The following EXD3 variants were observed in gnomAD, a reference collection of about 807,000 sequenced individuals.
The protein encoded by EXD3 is exonuclease mut-7 homolog.
EXD3 carries 92 observed loss-of-function variants against 98.0 expected under a neutral mutation model. The observed-to-expected ratio is 0.94, with a 90% CI of 0.79 to 1.12. The LOEUF (loss-of-function observed/expected upper bound fraction) is 1.12. Ranked by LOEUF, EXD3 falls within the 50% of genes most tolerant of loss-of-function variation. EXD3 has a pLI of 0.00. For missense variants in EXD3, 1,222 were observed against 1,191.6 expected (o/e 1.03, Z -0.38); for synonymous variants, 569 against 526.0 (o/e 1.08, Z -1.12).
At chr9:137,331,365 C>CCTCCCACA (rs1833056047) in intron 17 of EXD3, among the ~76,000 whole-genome samples, 1 of 151,908 alleles carries the variant, frequency 6.6e-6, no homozygotes, top group South Asian at 2.1e-4. Context: ...GCCCTCTCAC[C>CCTCCCACA]CTCCCACACT....
intron 1 of EXD3, among the ~76,000 whole-genome samples, chr9:137,420,743 C>CCA (rs928435782): frequency 6.8e-6 from 1 of 147,534 alleles, no homozygotes; most frequent in East Asian, 2.0e-4. Context: ...ATTCACCCCC[C>CCA]CCCCCAAATT....
At chr9:137,374,597 G>A (rs927788782) in intron 3 of EXD3, 20 of 985,518 alleles carry the variant, frequency 2.0e-5, no homozygotes, top group Middle Eastern at 5.2e-4. Context: ...AGGAACAGCC[G>A]TGGAGCACAC....
intron 17 of EXD3, among the ~76,000 whole-genome samples, chr9:137,325,823 C>A (rs1832371625): frequency 6.6e-6 from 1 of 152,174 alleles, no homozygotes; most frequent in African/African-American, 2.4e-5. Flanking sequence ...GGCAAGGCGG[C>A]TCGTGCCTGT....
chr9:137,332,320 T>C (rs1031373066), intron 17 of EXD3, among the ~76,000 whole-genome samples: 1 of 152,214 alleles, frequency 6.6e-6, no homozygotes, highest in Admixed American at 6.5e-5. Flanking sequence ...CCGGGCGCAG[T>C]GGCTCACGCC....
intron 3 of EXD3, among the ~76,000 whole-genome samples, chr9:137,380,805 C>T (rs1035811619): frequency 6.8e-6 from 1 of 147,512 alleles, no homozygotes; most frequent in Non-Finnish European, 1.5e-5. Context: ...CACCAGAAGG[C>T]CCCCCCGAGG....
intron 3 of EXD3, among the ~76,000 whole-genome samples, chr9:137,376,502 G>T (rs753040075): frequency 1.3e-5 from 2 of 152,008 alleles, no homozygotes; most frequent in African/African-American, 4.8e-5. Context: ...GTAGATTTAC[G>T]GCCCAAAGTG....
intron 8 of EXD3, among the ~76,000 whole-genome samples, chr9:137,355,465 GGAGGAA>G (rs1394864807): frequency 4.2e-4 from 33 of 78,612 alleles, no homozygotes; most frequent in African/African-American, 7.2e-4. Flanking sequence ...GAAGGAGAAA[GGAGGAA>G]GGAGGAAGGA....
chr9:137,354,888 A>T, intron 8 of EXD3, 115 bp from the exon 9 acceptor site: 1 of 1,049,370 alleles, frequency 9.5e-7, no homozygotes, highest in South Asian at 1.6e-5. Context: ...ACCGTCCTCC[A>T]CCTCTGCCCC....
intron 3 of EXD3, among the ~76,000 whole-genome samples, chr9:137,378,921 CATCT>C: frequency 3.7e-5 from 5 of 133,564 alleles, no homozygotes; most frequent in African/African-American, 1.5e-4. Context: ...GGGAATGGGG[CATCT>C]GTGTGAGGGG....
chr9:137,355,533 AAGGAG>A, intron 8 of EXD3, among the ~76,000 whole-genome samples: 1 of 126,866 alleles, frequency 7.9e-6, no homozygotes, highest in African/African-American at 3.2e-5. Context: ...AGGATGGAGG[AAGGAG>A]GAAGGAGGAA....
chr9:137,307,067 G>A lies in EXD3; in HGVS notation c.2514C>T (p.Val838=), dbSNP rs1470079515. Reference sequence around the variant, plus strand: ...GACCCAGGTGGGAGCCGTCCCAGAAGACCTTTCCACAGCCCGTGCAGCAGT... The same window carrying A: ...GACCCAGGTGGGAGCCGTCCCAGAAAACCTTTCCACAGCCCGTGCAGCAGT... ...CFYCCTGCGK[V]FWDGSHLGRV... Residue 838 remains valine, a synonymous_variant, in exon 22 of 22, where the codon GTC becomes GTT. Transcript: ENST00000340951. The A allele has an allele frequency of 1.2e-6, 2 of 1,611,960 alleles. No homozygotes were observed. The highest frequency in any genetic ancestry group is 8.5e-7 in the Non-Finnish European group (1 of 1,179,586).
Position 137,403,474 on chromosome 9 carries a change from G to C in EXD3, c.-47-8070C>G, listed in dbSNP as rs1437917950. ...TGGCCCAGGGTCTCCGAGGGTCGGGGGCCGCAGGGTCTGGCAGCACCCCAT... is the reference window on the plus strand; with the variant it reads ...TGGCCCAGGGTCTCCGAGGGTCGGGCGCCGCAGGGTCTGGCAGCACCCCAT... On this transcript the variant is annotated intron_variant, in intron 1 of 21. Coordinates refer to ENST00000340951, the MANE Select transcript of EXD3 (RefSeq NM_017820.5). This position sits in a 1 kb window ranked among gnomAD's most constrained non-coding sequence, Gnocchi z 6.1. Among the ~76,000 whole-genome samples the C allele has an allele frequency of 6.6e-6, 1 of 151,998 alleles. No homozygotes were observed. Among genetic ancestry groups the C allele is most frequent in the African/African-American group, 2.4e-5 (1 of 41,370 alleles).
chr9:137,313,627 G>C (rs1031624760), intron 19 of EXD3, among the ~76,000 whole-genome samples: 5 of 152,170 alleles, frequency 3.3e-5, no homozygotes, highest in East Asian at 1.9e-4. Flanking sequence ...GGCCCCATGG[G>C]GGGTGTGGCA....
chr9:137,347,065 C>T lies in EXD3; in HGVS notation c.1998+1006G>A, dbSNP rs1044649571. Among the ~76,000 whole-genome samples, 14 of 152,294 alleles carry T rather than the reference C, an allele frequency of 9.2e-5. No individual in the cohort carries two copies. The highest frequency in any genetic ancestry group is 2.4e-4 in the African/African-American group (10 of 41,568). On this transcript the variant is annotated intron_variant, in intron 17 of 21. Transcript: ENST00000340951. This position sits in a 1 kb window ranked among gnomAD's most constrained non-coding sequence, Gnocchi z 4.2. ...CCCTGACCTTGTGATCCACCCGCCT[C>T]GGCCTCCCAGAGTGCAGGGATTACA...
chr9:137,315,576 AC>A (rs999294093), intron 19 of EXD3, among the ~76,000 whole-genome samples: 8 of 152,040 alleles, frequency 5.3e-5, no homozygotes, highest in Admixed American at 2.0e-4. Flanking sequence ...AGGCCCCGGC[AC>A]CGGGTCTCCC....
At chr9:137,370,481 C>T (rs901411260) in intron 5 of EXD3, among the ~76,000 whole-genome samples, 7 of 151,968 alleles carry the variant, frequency 4.6e-5, no homozygotes, top group Admixed American at 1.3e-4. Flanking sequence ...CAGACCTTCC[C>T]GACCTCTGCT....
chr9:137,315,415 T>C (rs1831593182), intron 19 of EXD3, among the ~76,000 whole-genome samples: 1 of 152,216 alleles, frequency 6.6e-6, no homozygotes, highest in Non-Finnish European at 1.5e-5. Flanking sequence ...CGTGTGGGCC[T>C]GACCCGCTGG....
intron 17 of EXD3, among the ~76,000 whole-genome samples, chr9:137,338,051 T>G (rs891404072): frequency 2.0e-5 from 3 of 152,174 alleles, no homozygotes; most frequent in African/African-American, 2.4e-5. Context: ...CCTCCCAAAG[T>G]GCTGGGATTA....
At chr9:137,406,431 G>C (rs1191276444) in intron 1 of EXD3, among the ~76,000 whole-genome samples, 2 of 152,088 alleles carry the variant, frequency 1.3e-5, no homozygotes, top group African/African-American at 2.4e-5. Flanking sequence ...GGTGAGCCTC[G>C]TGACACCCCC....
Sources: allele counts gnomAD v4.1 joint callset (sites outside exome capture counted in the v4.1 genomes callset), GRCh38; gene constraint gnomAD v4.1.1; non-coding constraint Gnocchi (gnomAD v3.1); transcripts MANE v1.5; gene names NCBI Gene and HGNC (gene_info 2026-07-23, HGNC 2026-07-21).